The following EVI5 variants were observed in gnomAD, a reference collection of about 807,000 sequenced individuals.
EVI5 encodes ecotropic viral integration site 5.
A neutral mutation model predicts 112.0 loss-of-function variants in EVI5; 73 were observed. The ratio of observed to expected loss-of-function variants is 0.65; its 90% CI spans 0.54 to 0.79. The LOEUF is 0.79. Among genes scored for constraint, EVI5 ranks in the 30% least tolerant of loss-of-function variants. The pLI is 0.00. For synonymous variants in EVI5, 305 were observed against 319.9 expected (o/e 0.95, Z 0.50); for missense variants, 900 against 968.8 (o/e 0.93, Z 0.94).
chr1:92,585,370 T>C (rs1157366989), intron 18 of EVI5, among the ~76,000 whole-genome samples: 1 of 152,108 alleles, frequency 6.6e-6, no homozygotes. Context: ...GGTGTGCCTG[T>C]ATTGCTAGCT....
chr1:92,662,946 C>T (rs913875025), intron 12 of EVI5, 81 bp from the exon 13 acceptor site: 8 of 534,396 alleles, frequency 1.5e-5, no homozygotes, highest in Middle Eastern at 8.4e-4. Context: ...TAGTTATTTA[C>T]TTTGACATGT....
chr1:92,633,771 A>C (rs73103038), intron 14 of EVI5, among the ~76,000 whole-genome samples: 3 of 152,194 alleles, frequency 2.0e-5, no homozygotes, highest in African/African-American at 7.2e-5. Context: ...GTTTCTTCCT[A>C]GCCTCTATGG....
chr1:92,714,507 T>G (rs1673318036), intron 2 of EVI5, among the ~76,000 whole-genome samples: 1 of 152,204 alleles, frequency 6.6e-6, no homozygotes, highest in African/African-American at 2.4e-5. Context: ...CCTTGCAATT[T>G]TTCCCCAGAC....
chr1:92,631,024 G>T (rs1322366887), intron 14 of EVI5, among the ~76,000 whole-genome samples: 1 of 152,136 alleles, frequency 6.6e-6, no homozygotes, highest in Non-Finnish European at 1.5e-5. Context: ...GGTCTGTTCT[G>T]TTCCATTGAT....
chr1:92,792,227 G>A (rs772124513), intron 1 of EVI5: 16 of 668,032 alleles, frequency 2.4e-5, no homozygotes, highest in Non-Finnish European at 3.7e-5. Flanking sequence ...CTGTTCCTGT[G>A]TTTTGAAGAT....
At chr1:92,645,117 A>G (rs1165651271) in intron 13 of EVI5, among the ~76,000 whole-genome samples, 1 of 152,114 alleles carries the variant, frequency 6.6e-6, no homozygotes, top group Non-Finnish European at 1.5e-5. Context: ...TGTTCACTCT[A>G]CCTTTCAGTT....
At chr1:92,783,771 C>T (rs1685211500) in intron 1 of EVI5, among the ~76,000 whole-genome samples, 1 of 136,350 alleles carries the variant, frequency 7.3e-6, no homozygotes, top group African/African-American at 2.8e-5. Context: ...AACGTCGCCA[C>T]TGCACTCCAG....
At chr1:92,675,955 CAAAA>C (rs370294019) in intron 10 of EVI5, among the ~76,000 whole-genome samples, 5 of 56,696 alleles carry the variant, frequency 8.8e-5, no homozygotes, top group Non-Finnish European at 1.1e-4. Flanking sequence ...GACTTCGTCT[CAAAA>C]AAAAAAAAAA....
intron 1 of EVI5, among the ~76,000 whole-genome samples, chr1:92,769,795 G>A (rs576204555): frequency 1.3e-5 from 2 of 152,242 alleles, no homozygotes; most frequent in East Asian, 3.9e-4. Context: ...GCTGAGGCAG[G>A]AGAATGGCAT....
chr1:92,675,266 C>T (rs930509541), intron 10 of EVI5, among the ~76,000 whole-genome samples: 12 of 152,078 alleles, frequency 7.9e-5, no homozygotes, highest in African/African-American at 1.2e-4. Context: ...ATCGCTTGAG[C>T]GCGGGAGGTC....
At chr1:92,642,937 A>T (rs1460985858) in intron 13 of EVI5, among the ~76,000 whole-genome samples, 2 of 152,252 alleles carry the variant, frequency 1.3e-5, no homozygotes, top group Non-Finnish European at 2.9e-5. Flanking sequence ...GAATGGTAAG[A>T]CCAAGAACAG....
chr1:92,532,955 T>C (rs1297464672), intron 19 of EVI5, among the ~76,000 whole-genome samples: 3 of 144,308 alleles, frequency 2.1e-5, no homozygotes, highest in Non-Finnish European at 3.0e-5. Context: ...CTGAAGGAGA[T>C]AGAGACACAA....
intron 10 of EVI5, among the ~76,000 whole-genome samples, chr1:92,669,853 T>G (rs1665563684): frequency 6.6e-6 from 1 of 152,096 alleles, no homozygotes; most frequent in African/African-American, 2.4e-5. Flanking sequence ...AATAGAGTGC[T>G]TCCTAAACTT....
intron 2 of EVI5, among the ~76,000 whole-genome samples, chr1:92,730,901 G>A (rs1249056534): frequency 6.6e-6 from 1 of 152,062 alleles, no homozygotes; most frequent in African/African-American, 2.4e-5. Flanking sequence ...AAGCAAAAGT[G>A]CTCTTATTCA....
intron 13 of EVI5, among the ~76,000 whole-genome samples, chr1:92,653,725 C>G (rs1217092059): frequency 6.6e-6 from 1 of 152,206 alleles, no homozygotes; most frequent in Non-Finnish European, 1.5e-5. Flanking sequence ...AGAGCAGCAG[C>G]GTTCCTGCAA....
At chr1:92,563,890 T>C (rs1057053566) in intron 18 of EVI5, among the ~76,000 whole-genome samples, 153 bp from the exon 19 acceptor site, 3 of 152,210 alleles carry the variant, frequency 2.0e-5, no homozygotes, top group Non-Finnish European at 4.4e-5. Context: ...TGACAAACAA[T>C]TCATAATGAA....
intron 19 of EVI5, among the ~76,000 whole-genome samples, chr1:92,541,529 A>G (rs1222840087): frequency 6.6e-6 from 1 of 152,244 alleles, no homozygotes; most frequent in Non-Finnish European, 1.5e-5. Flanking sequence ...GTAAACTGGT[A>G]CTGCTACTTT....
chr1:92,576,904 T>A (rs1326865361), intron 18 of EVI5, among the ~76,000 whole-genome samples: 3 of 152,174 alleles, frequency 2.0e-5, no homozygotes, highest in African/African-American at 4.8e-5. Flanking sequence ...TGGAATAACA[T>A]GGGGAGCATT....
chr1:92,724,249 C>G (rs1675208946), intron 2 of EVI5, among the ~76,000 whole-genome samples: 1 of 152,148 alleles, frequency 6.6e-6, no homozygotes, highest in Admixed American at 6.6e-5. Context: ...GATGACACCC[C>G]CTGAGGCCCA....
Sources: gnomAD v4.1 joint callset for allele counts (sites outside exome capture counted in the v4.1 genomes callset) on GRCh38, gnomAD v4.1.1 for gene constraint, MANE v1.5 for transcripts, NCBI Gene and HGNC (gene_info 2026-07-23, HGNC 2026-07-21) for gene names.